RNF8: variants seen among roughly 807,000 people sequenced by gnomAD.
RNF8 encodes the protein ring finger protein 8.
Under a neutral mutation model 59.3 loss-of-function variants are expected in RNF8, and 8 were observed. That is an observed-to-expected ratio of 0.13 (90% CI 0.08 to 0.24). The LOEUF (loss-of-function observed/expected upper bound fraction) is 0.24. RNF8 is among the 10% of genes least tolerant of loss of function. The pLI is 1.00. For missense variants in RNF8, 406 were observed against 572.6 expected, an observed-to-expected ratio of 0.71 and a Z score of 2.97; for synonymous variants, 162 against 200.0, an observed-to-expected ratio of 0.81 and a Z score of 1.60.
intron 7 of RNF8, among the ~76,000 whole-genome samples, chr6:37,384,964 G>A (rs138925881): frequency 1.2e-3 from 190 of 152,256 alleles, no homozygotes; most frequent in African/African-American, 4.3e-3. Context: ...TCAGGATGAG[G>A]CGGGAGTGTC....
In RNF8 at chr6:37,371,640, AC is replaced by A. The variant is rs1446830053; in HGVS notation, c.1038+68del. ...GTGGGGAGCAAACAGGCATCACATG[AC>A]CACTGGCTGCCTCTGCTGCTTAGCC... is the stretch of plus-strand genomic sequence containing the variant. On this transcript the variant is annotated intron_variant, in intron 4 of 7. Coordinates refer to ENST00000373479, the MANE Select transcript of RNF8 (RefSeq NM_003958.4). 8.3e-6 allele frequency: 11 copies of A among 1,324,526 alleles called. No homozygotes were observed. In the African/African-American group the frequency reaches 1.4e-4, roughly 17 times the overall value. The allele number at this position is 1,324,526 out of a possible 1,614,324, so 82.0% of individuals were successfully genotyped here.
rs536657790 is a variant in RNF8 at position 37,392,376 on chromosome 6, A to G, written c.*1618A>G. Reference sequence around the variant, plus strand: ...CAGACATACACTTTTTGAGTAGGCAATATGTTCACATAGTTTGAAATTAAA... The same window carrying G: ...CAGACATACACTTTTTGAGTAGGCAGTATGTTCACATAGTTTGAAATTAAA... On this transcript the variant is annotated 3_prime_UTR_variant, in exon 8 of 8. Coordinates refer to ENST00000373479, the MANE Select transcript of RNF8 (RefSeq NM_003958.4). 1.8e-5 allele frequency: 7 copies of G among 398,270 alleles called. No homozygotes were observed. The highest frequency in any genetic ancestry group is 6.2e-5 in the African/African-American group (3 of 48,628). 24.7% of individuals were successfully genotyped at this position (398,270 alleles called of 1,614,324 possible).
intron 2 of RNF8, among the ~76,000 whole-genome samples, chr6:37,366,155 CAGA>C (rs1430704902): frequency 2.0e-5 from 3 of 152,148 alleles, no homozygotes; most frequent in Non-Finnish European, 2.9e-5. Context: ...TGTCAGAACT[CAGA>C]AGTTCTGAGG....
At chr6:37,363,796 T>C (rs540570778) in intron 2 of RNF8, among the ~76,000 whole-genome samples, 1 of 152,286 alleles carries the variant, frequency 6.6e-6, no homozygotes, top group East Asian at 1.9e-4. Context: ...AATGGATAAA[T>C]TGTGGAATAA....
At chr6:37,390,660 G>A in intron 7 of RNF8, 82 bp from the exon 8 acceptor site, 3 of 973,362 alleles carry the variant, frequency 3.1e-6, no homozygotes, top group Non-Finnish European at 4.9e-6. Flanking sequence ...GAAGAGACAG[G>A]GTGGCGAGGC....
intron 7 of RNF8, among the ~76,000 whole-genome samples, chr6:37,383,945 T>G (rs1194018927): frequency 6.6e-6 from 1 of 152,186 alleles, no homozygotes; most frequent in Non-Finnish European, 1.5e-5. Context: ...TCTTCTGTTC[T>G]CATTCGATGT....
At chr6:37,383,026 G>C (rs577357068) in intron 7 of RNF8, among the ~76,000 whole-genome samples, 1 of 151,072 alleles carries the variant, frequency 6.6e-6, no homozygotes, top group Non-Finnish European at 1.5e-5. Flanking sequence ...CTAAGTTTAC[G>C]TCTGACTCCT....
At position 37,391,282 on chromosome 6, in the gene RNF8, C is replaced by T. The variant is rs1770720400; in HGVS notation, c.*524C>T. On this transcript the variant is annotated 3_prime_UTR_variant, in exon 8 of 8. Coordinates refer to ENST00000373479, the MANE Select transcript of RNF8 (RefSeq NM_003958.4). ...TATTTACCTTCCTTCCCTTCCTGCTCCCAGACAGTCTCACAAGTAAACACC... is the reference window on the plus strand; with the variant it reads ...TATTTACCTTCCTTCCCTTCCTGCTTCCAGACAGTCTCACAAGTAAACACC... The T allele has an allele frequency of 6.2e-6, 1 of 162,322 alleles. No homozygotes were observed. The allele number at this position is 162,322 out of a possible 1,614,324, so 10.1% of individuals were successfully genotyped here.
Position 37,361,605 on chromosome 6 carries a change from A to G in RNF8, c.240+1031A>G, listed in dbSNP as rs529918991. 34 of 315,800 alleles carry G rather than the reference A, an allele frequency of 1.1e-4. 1 individual carries two copies. The highest frequency in any genetic ancestry group is 8.1e-4 in the South Asian group (33 of 40,862). 19.6% of individuals were successfully genotyped at this position (315,800 alleles called of 1,614,324 possible). ...ACAGTTAATGTTTAGGAAGTATAACATGTCTTTAAGTGCCATTTCATATTG... is the reference window on the plus strand; with the variant it reads ...ACAGTTAATGTTTAGGAAGTATAACGTGTCTTTAAGTGCCATTTCATATTG... On this transcript the variant is annotated intron_variant, in intron 2 of 7. Transcript: ENST00000373479.
rs1003581593 is a variant in RNF8, at chr6:37,390,994, C to T, written c.*236C>T. ...GGCACCCAACTGCTTCAGGGTACTTCGTAGACTCTGCCTCACTACATGTCG... is the reference window on the plus strand; with the variant it reads ...GGCACCCAACTGCTTCAGGGTACTTTGTAGACTCTGCCTCACTACATGTCG... On this transcript the variant is annotated 3_prime_UTR_variant, in exon 8 of 8. Coordinates refer to ENST00000373479, the MANE Select transcript of RNF8 (RefSeq NM_003958.4). 7 of 622,638 alleles carry T rather than the reference C, an allele frequency of 1.1e-5. No homozygotes were observed. The highest frequency in any genetic ancestry group is 3.7e-5 in the African/African-American group (2 of 54,220). The allele number at this position is 622,638 out of a possible 1,614,324, so 38.6% of individuals were successfully genotyped here. A position where few individuals can be genotyped will look rare whatever the true frequency, so the allele number is the denominator to read the frequency against.
chr6:37,354,100 A>T lies in RNF8; in HGVS notation c.-65A>T. The T allele has an allele frequency of 7.5e-7, 1 of 1,329,030 alleles. No individual in the cohort carries two copies. The highest frequency in any genetic ancestry group is 1.1e-6 in the Non-Finnish European group (1 of 944,530). 82.3% of individuals were successfully genotyped at this position (1,329,030 alleles called of 1,614,324 possible). A position where few individuals can be genotyped will look rare whatever the true frequency, so the allele number is the denominator to read the frequency against. On this transcript the variant is annotated 5_prime_UTR_variant, in exon 1 of 8. An upstream open reading frame in the 5' UTR gains an earlier in-frame stop. Coordinates refer to ENST00000373479, the MANE Select transcript of RNF8 (RefSeq NM_003958.4). ...AGATATGGAAGCTGAGGGGATGCAC[A>T]GAGGCAGCCAGAACCTAGGTCAGGG... is the stretch of plus-strand genomic sequence containing the variant.
chr6:37,385,736 T>G (rs919912254), intron 7 of RNF8, among the ~76,000 whole-genome samples: 1 of 152,192 alleles, frequency 6.6e-6, no homozygotes, highest in Non-Finnish European at 1.5e-5. Flanking sequence ...CTTTTTAATT[T>G]CTCTATCACC....
Position 37,392,468 on chromosome 6 carries a change from G to A in RNF8, c.*1710G>A. On this transcript the variant is annotated 3_prime_UTR_variant, in exon 8 of 8. Coordinates refer to ENST00000373479, the MANE Select transcript of RNF8 (RefSeq NM_003958.4). ...CCACAGCGACTACTTCCCACTCAGA[G>A]GCAACAAGTATTACAGTTGCTTGTA... 1 of 398,592 alleles carries A rather than the reference G, an allele frequency of 2.5e-6. No homozygotes were observed. The allele number at this position is 398,592 out of a possible 1,614,324, so 24.7% of individuals were successfully genotyped here. A position where few individuals can be genotyped will look rare whatever the true frequency, so the allele number is the denominator to read the frequency against.
chr6:37,394,520 A>G lies in RNF8; in HGVS notation c.*3762A>G, dbSNP rs868672398. ...CCTTTGTCTACAGCATCCCCAAACAATGTACCAGTGATGGGCTACCTGAGC... is the reference window on the plus strand; with the variant it reads ...CCTTTGTCTACAGCATCCCCAAACAGTGTACCAGTGATGGGCTACCTGAGC... On this transcript the variant is annotated 3_prime_UTR_variant, in exon 8 of 8. Coordinates refer to ENST00000373479, the MANE Select transcript of RNF8 (RefSeq NM_003958.4). 28 of 152,058 alleles carry G rather than the reference A, an allele frequency of 1.8e-4. No homozygotes were observed. Among genetic ancestry groups the G allele is most frequent in the African/African-American group, 6.3e-4 (26 of 41,396 alleles). 9.4% of individuals were successfully genotyped at this position (152,058 alleles called of 1,614,324 possible).
At chr6:37,374,578 A>G (rs1356048462) in intron 4 of RNF8, 42 bp from the exon 5 acceptor site, 1 of 1,436,262 alleles carries the variant, frequency 7.0e-7, no homozygotes, top group South Asian at 1.2e-5. Flanking sequence ...GGAAGGATGC[A>G]TTGTAGTTCA....
Position 37,357,751 on chromosome 6 carries a change from A to G in RNF8, c.112-2695A>G, listed in dbSNP as rs553849110. Reference sequence around the variant, plus strand: ...TCCAACTGCTGCTCCATATTTTCCAATGGTAATACAGTCTCTAACTTCTGA... The same window carrying G: ...TCCAACTGCTGCTCCATATTTTCCAGTGGTAATACAGTCTCTAACTTCTGA... On this transcript the variant is annotated intron_variant, in intron 1 of 7. Coordinates refer to ENST00000373479, the MANE Select transcript of RNF8 (RefSeq NM_003958.4). 2.2e-4 allele frequency among the ~76,000 whole-genome samples: 33 copies of G among 152,298 alleles called. No homozygotes were observed. The South Asian group carries it at 2.9e-3, about 13-fold the overall frequency.
chr6:37,393,530 G>C lies in RNF8; in HGVS notation c.*2772G>C, dbSNP rs530817868. ...CTGTGCAGTCTGACTCTAATTAAAG[G>C]CACCTTCTTTACAGCAGGGCTCTGG... On this transcript the variant is annotated 3_prime_UTR_variant, in exon 8 of 8. Coordinates refer to ENST00000373479, the MANE Select transcript of RNF8 (RefSeq NM_003958.4). 1 of 152,326 alleles carries C rather than the reference G, an allele frequency of 6.6e-6. No homozygotes were observed. The highest frequency in any genetic ancestry group is 1.9e-4 in the East Asian group (1 of 5,194). 9.4% of individuals were successfully genotyped at this position (152,326 alleles called of 1,614,324 possible).
intron 6 of RNF8, among the ~76,000 whole-genome samples, chr6:37,379,267 C>T (rs1350283142): frequency 1.3e-5 from 2 of 152,102 alleles, no homozygotes; most frequent in Non-Finnish European, 2.9e-5. Flanking sequence ...CTGCCTGCCT[C>T]GGCCTCCCAA....
chr6:37,377,058 CTTCTTTTT>C, intron 6 of RNF8, 25 bp downstream of exon 6: 1 of 692,136 alleles, frequency 1.4e-6, no homozygotes, highest in African/African-American at 2.1e-5. Flanking sequence ...TTGCTCACCC[CTTCTTTTT>C]TTTTTTTTTT....
Sources: allele counts gnomAD v4.1 joint callset (sites outside exome capture counted in the v4.1 genomes callset), GRCh38; gene constraint gnomAD v4.1.1; transcripts MANE v1.5; gene names NCBI Gene and HGNC (gene_info 2026-07-23, HGNC 2026-07-21).